The following RCC1 variants were observed in gnomAD, a reference collection of about 807,000 sequenced individuals.
RCC1 encodes regulator of chromosome condensation 1, also known as regulator of chromosome condensation.
RCC1 carries 11 observed loss-of-function variants against 44.4 expected under a neutral mutation model. The observed-to-expected ratio is 0.25, with a 90% CI of 0.16 to 0.41. RCC1 has a LOEUF of 0.41. Ranked by LOEUF, RCC1 falls within the 10% of genes least tolerant of loss-of-function variation. RCC1 has a pLI of 1.00. For synonymous variants in RCC1, 213 were observed against 216.5 expected (o/e 0.98, Z 0.14); for missense variants, 386 against 547.1 (o/e 0.71, Z 2.94).
At chr1:28,506,311 A>G (rs1231477387) in intron 1 of RCC1, 1 of 420,924 alleles carries the variant, frequency 2.4e-6, no homozygotes, top group Non-Finnish European at 4.7e-6. Context: ...CAGCCTCTCC[A>G]GCAGCTGGGA....
At chr1:28,532,525 C>T (rs2840762) in intron 7 of RCC1, 175 bp downstream of exon 7, 27 of 623,792 alleles carry the variant, frequency 4.3e-5, no homozygotes, top group African/African-American at 1.7e-4. Context: ...GGCCTGTCCA[C>T]GCCACTGGCT....
At chr1:28,507,823 TCTCAAA>T (rs1446390075) in intron 1 of RCC1, 8 of 326,944 alleles carry the variant, frequency 2.4e-5, no homozygotes, top group Admixed American at 8.6e-5. Flanking sequence ...GTCAGGCTGG[TCTCAAA>T]CTCCTGACCT....
intron 4 of RCC1, among the ~76,000 whole-genome samples, chr1:28,528,918 A>G (rs959498856): frequency 5.7e-5 from 8 of 141,128 alleles, no homozygotes; most frequent in South Asian, 2.2e-4. Flanking sequence ...TGCTGAGTGC[A>G]ATGGCATGAT....
Position 28,531,801 on chromosome 1 carries a change from A to G in RCC1, c.74-2A>G. The G allele has an allele frequency of 6.6e-7, 1 of 1,522,842 alleles. No homozygotes were observed. The highest frequency in any genetic ancestry group is 8.8e-7 in the Non-Finnish European group (1 of 1,138,738). The allele number at this position is 1,522,842 out of a possible 1,614,324, so 94.3% of individuals were successfully genotyped here. On this transcript the variant is annotated splice_acceptor_variant, in intron 5 of 12. Coordinates refer to ENST00000683442, the MANE Select transcript of RCC1 (RefSeq NM_001381865.2). LOFTEE classifies it high-confidence loss of function. The stretch of plus-strand genomic sequence containing the variant: ...TCAGGGTCTATCTTCTTCACCCTTC[A>G]GTCTCACACAGGTCCCACAGCACAG...
At chr1:28,520,014 A>T (rs994149981) in intron 4 of RCC1, among the ~76,000 whole-genome samples, 1 of 151,978 alleles carries the variant, frequency 6.6e-6, no homozygotes, top group Non-Finnish European at 1.5e-5. Flanking sequence ...AATATCCTAT[A>T]ATTTTCATAA....
At chr1:28,512,564 C>T (rs1342831962) in intron 3 of RCC1, among the ~76,000 whole-genome samples, 1 of 151,910 alleles carries the variant, frequency 6.6e-6, no homozygotes, top group Non-Finnish European at 1.5e-5. Context: ...TCATCTATTC[C>T]TAGTTTCTTA....
rs775851239 is a variant in RCC1, at chr1:28,523,027, C to CTTT, written c.-10+6180_-10+6182dup. On this transcript the variant is annotated intron_variant, in intron 4 of 12. Transcript: ENST00000683442. ...GGGAGGAAGGAGGCAGAAGAAATTT[C>CTTT]TTTTTTTTTTTTTTTTTTTTTTGAG... Among the ~76,000 whole-genome samples the CTTT allele has an allele frequency of 1.1e-3, 101 of 91,006 alleles. 1 individual carries two copies. Among genetic ancestry groups the CTTT allele is most frequent in the Non-Finnish European group, 1.4e-3 (64 of 47,020 alleles). 59.7% of individuals were successfully genotyped at this position (91,006 alleles called of 152,430 possible). A position where few individuals can be genotyped will look rare whatever the true frequency, so the allele number is the denominator to read the frequency against.
intron 4 of RCC1, chr1:28,518,807 C>CT (rs1379174979): frequency 6.6e-6 from 1 of 152,150 alleles, no homozygotes; most frequent in African/African-American, 2.4e-5. Flanking sequence ...AGCCGTGTGT[C>CT]TTGAACTCCG....
At chr1:28,533,226 C>T (rs1487692351) in intron 7 of RCC1, among the ~76,000 whole-genome samples, 2 of 152,028 alleles carry the variant, frequency 1.3e-5, no homozygotes, top group African/African-American at 4.8e-5. Context: ...AATCCCAGCA[C>T]TTTGGGATGC....
intron 4 of RCC1, among the ~76,000 whole-genome samples, chr1:28,517,301 G>A (rs778531292): frequency 1.3e-5 from 2 of 151,986 alleles, no homozygotes; most frequent in Non-Finnish European, 2.9e-5. Context: ...CTGAAGAATG[G>A]GTGTTAATAA....
chr1:28,518,249 T>TG (rs1361459672), intron 4 of RCC1: 1 of 152,204 alleles, frequency 6.6e-6, no homozygotes, highest in Non-Finnish European at 1.5e-5. Context: ...GCGCATGCTC[T>TG]GGGGCAGTTC....
In RCC1 at chr1:28,508,826, T is replaced by A. The variant is rs780383732; in HGVS notation, c.-228-4T>A. 1 of 517,490 alleles carries A rather than the reference T, an allele frequency of 1.9e-6. No homozygotes were observed. The highest frequency in any genetic ancestry group is 1.4e-5 in the South Asian group (1 of 71,420). 32.1% of individuals were successfully genotyped at this position (517,490 alleles called of 1,614,324 possible). On this transcript the variant is annotated splice_polypyrimidine_tract_variant and splice_region_variant and intron_variant, in intron 2 of 12. Transcript: ENST00000683442. ...GAGTCTAATCATTATTTCTTTTCTT[T>A]TAGGAGAGAAGACGATCTGCACTTC...
intron 4 of RCC1, among the ~76,000 whole-genome samples, chr1:28,529,182 C>CTTT (rs568053824): frequency 0.022 from 1,770 of 80,492 alleles, 149 homozygotes; most frequent in African/African-American, 0.03. Flanking sequence ...CGCGCCCAGG[C>CTTT]TTTTTTTTTT....
intron 4 of RCC1, among the ~76,000 whole-genome samples, chr1:28,524,747 A>C (rs1428760881): frequency 6.6e-6 from 1 of 152,066 alleles, no homozygotes; most frequent in Admixed American, 6.6e-5. Context: ...AGTCCCAGCT[A>C]TCCAGGATGG....
At chr1:28,534,920 A>G (rs967776458) in intron 7 of RCC1, 130 bp from the exon 8 acceptor site, 13 of 716,850 alleles carry the variant, frequency 1.8e-5, no homozygotes, top group Non-Finnish European at 2.8e-5. Flanking sequence ...GATTTCATTC[A>G]TAAGTATTTG....
At chr1:28,517,811 C>G (rs986646557) in intron 4 of RCC1, among the ~76,000 whole-genome samples, 2 of 152,122 alleles carry the variant, frequency 1.3e-5, no homozygotes, top group African/African-American at 4.8e-5. Context: ...GTCCTGCCCC[C>G]CTAGACTTAA....
At chr1:28,534,512 C>T (rs1005499067) in intron 7 of RCC1, among the ~76,000 whole-genome samples, 2 of 152,264 alleles carry the variant, frequency 1.3e-5, no homozygotes, top group East Asian at 3.9e-4. Flanking sequence ...CGAGATCCTG[C>T]TCTGTCACCC....
chr1:28,507,399 C>T (rs766948553), intron 1 of RCC1: 6 of 519,092 alleles, frequency 1.2e-5, no homozygotes, highest in South Asian at 7.0e-5. Flanking sequence ...TCACTCTCCC[C>T]GGGCTCTGTC....
chr1:28,531,501 C>T (rs1275137716), intron 5 of RCC1, among the ~76,000 whole-genome samples: 2 of 151,972 alleles, frequency 1.3e-5, no homozygotes, highest in Non-Finnish European at 2.9e-5. Context: ...AGGTGTGAGC[C>T]ACCGCACCCA....
Sources: allele counts gnomAD v4.1 joint callset (sites outside exome capture counted in the v4.1 genomes callset), GRCh38; gene constraint gnomAD v4.1.1; transcripts MANE v1.5; gene names NCBI Gene and HGNC (gene_info 2026-07-23, HGNC 2026-07-21).